The following NSF variants were observed in gnomAD, a reference collection of about 807,000 sequenced individuals.
NSF encodes N-ethylmaleimide sensitive factor, vesicle fusing ATPase, also known as vesicle-fusing ATPase.
A neutral mutation model predicts 50.3 loss-of-function variants in NSF; 14 were observed. The ratio of observed to expected loss-of-function variants is 0.28; its 90% CI spans 0.18 to 0.44. NSF has a LOEUF of 0.44. NSF is among the 20% of genes least tolerant of loss of function. The probability of loss-of-function intolerance (pLI) is 1.00; values close to 1 mark genes in which losing one functional copy is unlikely to be tolerated. For missense variants in NSF, 218 were observed against 504.3 expected (o/e 0.43, Z 5.44); for synonymous variants, 109 against 175.7 (o/e 0.62, Z 3.00).
At chr17:46,741,814 T>C (rs1326004193) in intron 17 of NSF, among the ~76,000 whole-genome samples, 1 of 152,202 alleles carries the variant, frequency 6.6e-6, no homozygotes. Flanking sequence ...TTGCCCAGGC[T>C]GGAGTGCAGT....
At chr17:46,751,790 A>T (rs1316700980) in intron 19 of NSF, among the ~76,000 whole-genome samples, 174 bp downstream of exon 19, 1 of 152,204 alleles carries the variant, frequency 6.6e-6, no homozygotes, top group African/African-American at 2.4e-5. Flanking sequence ...TCACTTAACA[A>T]TACTTTTTAA....
chr17:46,726,583 G>T lies in NSF; in HGVS notation c.1796G>T (p.Cys599Phe), dbSNP rs1242871424. The change falls in exon 16 of 21, where the codon TGT becomes TTT. Residue 599 changes from cysteine to phenylalanine, a missense_variant. Transcript: ENST00000398238. ...FDDAYKSQLS[C>F]VVVDDIERLL... ...GATGCGTACAAATCCCAGCTCAGTT[G>T]TGTGGTTGTGGATGACATTGAGAGA... 1 of 1,614,000 alleles carries T rather than the reference G, an allele frequency of 6.2e-7. No homozygotes were observed. Among genetic ancestry groups the T allele is most frequent in the South Asian group, 1.1e-5 (1 of 91,082 alleles).
intron 13 of NSF, 89 bp from the exon 14 acceptor site, chr17:46,710,874 T>C: frequency 8.5e-7 from 1 of 1,169,764 alleles, no homozygotes; most frequent in Non-Finnish European, 1.2e-6. Flanking sequence ...GATCAATACC[T>C]TTAGCATGTA....
In NSF at chr17:46,756,187, GTT is replaced by G. The variant is rs1347648808; in HGVS notation, c.*365_*366del. The stretch of plus-strand genomic sequence containing the variant: ...AAAACTCTCAGTCAGTGTCATGAAT[GTT>G]GCATGACAACAGTTGGCCGATTAGA... On this transcript the variant is annotated 3_prime_UTR_variant, in exon 21 of 21. Coordinates refer to ENST00000398238, the MANE Select transcript of NSF (RefSeq NM_006178.4). 5.3e-6 allele frequency: 1 copy of G among 187,308 alleles called. No individual in the cohort carries two copies. The highest frequency in any genetic ancestry group is 1.1e-5 in the Non-Finnish European group (1 of 90,926). 11.6% of individuals were successfully genotyped at this position (187,308 alleles called of 1,614,324 possible).
At chr17:46,753,317 C>A (rs1008441227) in intron 19 of NSF, among the ~76,000 whole-genome samples, 1 of 152,190 alleles carries the variant, frequency 6.6e-6, no homozygotes, top group Non-Finnish European at 1.5e-5. Flanking sequence ...GGACCAATAA[C>A]AAATTGGAAA....
chr17:46,602,650 C>A (rs1453609488), intron 1 of NSF: 1 of 124,500 alleles, frequency 8.0e-6, no homozygotes, highest in African/African-American at 3.2e-5. Flanking sequence ...TATGTGCTGA[C>A]AAATATTTTT....
intron 17 of NSF, among the ~76,000 whole-genome samples, chr17:46,746,888 G>T (rs946955082): frequency 6.6e-6 from 1 of 152,174 alleles, no homozygotes; most frequent in Admixed American, 6.5e-5. Flanking sequence ...CTGATCTGGA[G>T]AGGTGCCATA....
rs931086313 is a variant in NSF at position 46,749,922 on chromosome 17, A to G, written c.2043+15A>G. On this transcript the variant is annotated intron_variant, in intron 18 of 20. Coordinates refer to ENST00000398238, the MANE Select transcript of NSF (RefSeq NM_006178.4). ...AAGCTTTGGAGGTAAAAATGAGTCA[A>G]TGGATTGCACACTGTTTATAAGAAA... is the stretch of plus-strand genomic sequence containing the variant. 5.6e-6 allele frequency: 9 copies of G among 1,613,386 alleles called. No individual in the cohort carries two copies. In the East Asian group the frequency reaches 1.1e-4, roughly 20 times the overall value.
intron 17 of NSF, among the ~76,000 whole-genome samples, chr17:46,738,977 C>T (rs937278300): frequency 3.5e-5 from 5 of 144,600 alleles, no homozygotes; most frequent in East Asian, 2.0e-4. Flanking sequence ...GGCTCACACC[C>T]GTAATCCCAG....
chr17:46,718,142 G>A (rs2058792574), intron 15 of NSF, among the ~76,000 whole-genome samples: 1 of 152,192 alleles, frequency 6.6e-6, no homozygotes, highest in South Asian at 2.1e-4. Context: ...AAGCCAAATG[G>A]CTGCACTGGC....
intron 9 of NSF, among the ~76,000 whole-genome samples, chr17:46,678,792 A>C (rs1412179818): frequency 7.7e-6 from 1 of 130,414 alleles, no homozygotes; most frequent in East Asian, 2.1e-4. Context: ...ATAAGCAACA[A>C]CTAGCTAGTA....
intron 9 of NSF, among the ~76,000 whole-genome samples, chr17:46,688,212 A>G (rs1009490364): frequency 6.7e-6 from 1 of 150,216 alleles, no homozygotes; most frequent in Non-Finnish European, 1.5e-5. Flanking sequence ...AACAAAAACT[A>G]TAAAACTTTA....
At chr17:46,713,830 G>C in intron 14 of NSF, 23 bp from the exon 15 acceptor site, 2 of 1,602,256 alleles carry the variant, frequency 1.2e-6, no homozygotes, top group Non-Finnish European at 1.7e-6. Flanking sequence ...TTTTTCCCCT[G>C]ACTTGCTCAT....
chr17:46,728,291 C>T (rs550657658), intron 16 of NSF, among the ~76,000 whole-genome samples: 2 of 152,220 alleles, frequency 1.3e-5, no homozygotes, highest in South Asian at 2.1e-4. Context: ...CCTTATTTTC[C>T]CCTTTGCCCA....
intron 17 of NSF, 56 bp from the exon 18 acceptor site, chr17:46,749,717 A>G: frequency 6.8e-7 from 1 of 1,475,656 alleles, no homozygotes; most frequent in Middle Eastern, 1.8e-4. Flanking sequence ...AGCTTACTGT[A>G]GTTTCCTAAT....
intron 19 of NSF, among the ~76,000 whole-genome samples, chr17:46,752,519 G>T (rs555544776): frequency 6.6e-6 from 1 of 152,220 alleles, no homozygotes; most frequent in African/African-American, 2.4e-5. Flanking sequence ...GCAGTGCCAT[G>T]ATCATGGCTT....
At chr17:46,728,511 C>T (rs1322078833) in intron 16 of NSF, among the ~76,000 whole-genome samples, 1 of 151,950 alleles carries the variant, frequency 6.6e-6, no homozygotes, top group Non-Finnish European at 1.5e-5. Context: ...AACCTATAAT[C>T]CCAGCTACCT....
chr17:46,679,583 T>C (rs2058433833), intron 9 of NSF, among the ~76,000 whole-genome samples: 1 of 130,942 alleles, frequency 7.6e-6, no homozygotes, highest in Admixed American at 7.9e-5. Flanking sequence ...TCCCAGCTAC[T>C]CAGGAGGCTG....
At chr17:46,724,183 C>T (rs538946864) in intron 15 of NSF, among the ~76,000 whole-genome samples, 3 of 152,290 alleles carry the variant, frequency 2.0e-5, no homozygotes, top group African/African-American at 7.2e-5. Flanking sequence ...TGCTTCAAGT[C>T]TCAGGTTAAG....
Sources: allele counts gnomAD v4.1 joint callset (sites outside exome capture counted in the v4.1 genomes callset), GRCh38; gene constraint gnomAD v4.1.1; transcripts MANE v1.5; gene names NCBI Gene and HGNC (gene_info 2026-07-23, HGNC 2026-07-21).